Variants in HDX observed in about 807,000 individuals in gnomAD.
HDX encodes the protein chromosome X open reading frame 43.
A neutral mutation model predicts 45.2 loss-of-function variants in HDX; 19 were observed. The observed-to-expected ratio is 0.42, with a 90% CI of 0.29 to 0.62. HDX has a LOEUF of 0.62. Among genes scored for constraint, HDX ranks in the 20% least tolerant of loss-of-function variants. HDX has a pLI of 0.20. For missense variants in HDX, 532 were observed against 493.9 expected, an observed-to-expected ratio of 1.08 and a Z score of -0.73; for synonymous variants, 188 against 172.8, an observed-to-expected ratio of 1.09 and a Z score of -0.69.
chrX:84,423,483 C>CAAAAAA (rs538893311), intron 5 of HDX, among the ~76,000 whole-genome samples: 5 of 59,496 alleles, frequency 8.4e-5, no homozygotes, highest in Admixed American at 2.3e-4. Flanking sequence ...ACAGAAACAT[C>CAAAAAA]AAAAAAAAAA....
At chrX:84,495,879 G>T (rs1569380204) in intron 1 of HDX, among the ~76,000 whole-genome samples, 1 of 111,421 alleles carries the variant, frequency 9.0e-6, no homozygotes. Context: ...TCAGACTTGT[G>T]CCTTCTGGAA....
At chrX:84,492,950 T>C (rs1307725363) in intron 1 of HDX, among the ~76,000 whole-genome samples, 2 of 108,304 alleles carry the variant, frequency 1.8e-5, no homozygotes, top group Non-Finnish European at 3.8e-5. Context: ...TTCGCTCTTG[T>C]TGCCCAGGCT....
chrX:84,477,797 T>A (rs1051186966), intron 2 of HDX, among the ~76,000 whole-genome samples: 2 of 111,898 alleles, frequency 1.8e-5, no homozygotes. Flanking sequence ...ATGTGGAAGA[T>A]AAAATAACAA....
intron 5 of HDX, among the ~76,000 whole-genome samples, chrX:84,420,644 T>C (rs943551944): frequency 9.0e-6 from 1 of 111,330 alleles, no homozygotes; most frequent in Non-Finnish European, 1.9e-5. Flanking sequence ...AAAAAGATTA[T>C]AGAATACCAA....
chrX:84,488,935 C>T (rs1363277241), intron 1 of HDX, among the ~76,000 whole-genome samples: 2 of 111,647 alleles, frequency 1.8e-5, no homozygotes, highest in East Asian at 5.6e-4. Context: ...CCTTGTCTGT[C>T]ATCGTTTGTC....
At chrX:84,369,779 T>C (rs776908039) in intron 5 of HDX, among the ~76,000 whole-genome samples, 1 of 112,333 alleles carries the variant, frequency 8.9e-6, no homozygotes, top group South Asian at 3.7e-4. Context: ...CCTTTGCCCA[T>C]TGTTTAAATG....
At chrX:84,430,998 T>C (rs1362757774) in intron 5 of HDX, among the ~76,000 whole-genome samples, 1 of 110,902 alleles carries the variant, frequency 9.0e-6, no homozygotes, top group East Asian at 2.8e-4. Context: ...GATAGGTAGA[T>C]TTTTTATCCT....
chrX:84,432,018 A>G (rs904840461), intron 5 of HDX, among the ~76,000 whole-genome samples: 6 of 111,029 alleles, frequency 5.4e-5, no homozygotes, highest in Admixed American at 9.6e-5. Flanking sequence ...TTTATATTGT[A>G]TAAGAAAGGA....
chrX:84,382,845 G>A, intron 5 of HDX, among the ~76,000 whole-genome samples: 1 of 111,153 alleles, frequency 9.0e-6, no homozygotes, highest in East Asian at 2.8e-4. Flanking sequence ...ATAACTAAAA[G>A]AGTGTAATTG....
chrX:84,426,513 T>C lies in HDX; in HGVS notation c.1305+14019A>G, dbSNP rs75640060. On this transcript the variant is annotated intron_variant, in intron 5 of 10. Coordinates refer to ENST00000373177, the MANE Select transcript of HDX (RefSeq NM_001177479.2). Reference sequence around the variant, plus strand: ...ACATTTGTGACAACAGAAGTAAATCTGGAGTACATTATGCTAAGTAAAATA... The same window carrying C: ...ACATTTGTGACAACAGAAGTAAATCCGGAGTACATTATGCTAAGTAAAATA... Among the ~76,000 whole-genome samples, 103 of 110,961 alleles carry C rather than the reference T, an allele frequency of 9.3e-4. 1 individual carries two copies. In the East Asian group the frequency reaches 0.028, roughly 30 times the overall value.
intron 5 of HDX, among the ~76,000 whole-genome samples, chrX:84,430,858 T>A (rs1363131575): frequency 3.6e-5 from 4 of 110,858 alleles, no homozygotes; most frequent in South Asian, 3.8e-4. Flanking sequence ...CTCTTTTTTT[T>A]AAATTTAACA....
intron 9 of HDX, among the ~76,000 whole-genome samples, chrX:84,332,969 T>C (rs2036876476): frequency 9.0e-6 from 1 of 111,671 alleles, no homozygotes; most frequent in African/African-American, 3.2e-5. Context: ...ATGACAGCTG[T>C]TATATTTTCT....
At chrX:84,323,328 T>G (rs1424704531) in intron 10 of HDX, among the ~76,000 whole-genome samples, 1 of 111,228 alleles carries the variant, frequency 9.0e-6, no homozygotes, top group Admixed American at 9.6e-5. Flanking sequence ...TAGAAAAGTG[T>G]TTTACCACTA....
chrX:84,459,854 A>G (rs1229320318), intron 4 of HDX, among the ~76,000 whole-genome samples: 1 of 111,536 alleles, frequency 9.0e-6, no homozygotes, highest in Non-Finnish European at 1.9e-5. Context: ...ATAAAAGGAG[A>G]CATTATAACT....
chrX:84,494,663 T>C (rs1426754512), intron 1 of HDX, among the ~76,000 whole-genome samples: 1 of 111,859 alleles, frequency 8.9e-6, no homozygotes, highest in Non-Finnish European at 1.9e-5. Flanking sequence ...CACACATGTA[T>C]TTAGACAATG....
intron 5 of HDX, among the ~76,000 whole-genome samples, chrX:84,427,553 GT>G (rs2039411718): frequency 3.6e-5 from 4 of 111,167 alleles, no homozygotes; most frequent in African/African-American, 1.3e-4. Context: ...AAGGCATACA[GT>G]ATGTGCTCTC....
At chrX:84,416,873 G>C (rs1358250308) in intron 5 of HDX, among the ~76,000 whole-genome samples, 1 of 111,046 alleles carries the variant, frequency 9.0e-6, no homozygotes, top group Non-Finnish European at 1.9e-5. Flanking sequence ...TTCCAGTCCT[G>C]GCCGGGCATG....
intron 9 of HDX, among the ~76,000 whole-genome samples, chrX:84,332,133 C>T (rs2036855865): frequency 9.0e-6 from 1 of 111,239 alleles, no homozygotes; most frequent in South Asian, 3.8e-4. Context: ...GTAACAAGAA[C>T]TGCTATATGA....
chrX:84,464,419 C>A (rs1221429873), intron 4 of HDX, among the ~76,000 whole-genome samples: 1 of 111,509 alleles, frequency 9.0e-6, no homozygotes, highest in Non-Finnish European at 1.9e-5. Flanking sequence ...TACCTGACTT[C>A]AAACTACACT....
Sources: allele counts gnomAD v4.1 joint callset (sites outside exome capture counted in the v4.1 genomes callset), GRCh38; gene constraint gnomAD v4.1.1; transcripts MANE v1.5; gene names NCBI Gene and HGNC (gene_info 2026-07-23, HGNC 2026-07-21).